Variants in ATP8A1 observed in about 807,000 individuals in gnomAD.
ATP8A1 encodes phospholipid-transporting ATPase IA.
Under a neutral mutation model 177.7 loss-of-function variants are expected in ATP8A1, and 90 were observed. That is an observed-to-expected ratio of 0.51 (90% CI 0.43 to 0.60). The LOEUF is 0.60. Among genes scored for constraint, ATP8A1 ranks in the 20% least tolerant of loss-of-function variants. The pLI, the probability that ATP8A1 is intolerant of heterozygous loss-of-function variation, is 0.00. For missense variants in ATP8A1, 1,072 were observed against 1,392.8 expected (o/e 0.77, Z 3.67); for synonymous variants, 493 against 485.9 (o/e 1.01, Z -0.19).
rs560817537 is a variant in ATP8A1 at position 42,523,211 on chromosome 4, G to A, written c.1808-912C>T. ...CCTGTGTCTGGTGCCTGCCAATTTC[G>A]TAACTCACATCTCTCTCAGCCAGAA... On this transcript the variant is annotated intron_variant, in intron 21 of 36. Coordinates refer to ENST00000381668, the MANE Select transcript of ATP8A1 (RefSeq NM_006095.2). Among the ~76,000 whole-genome samples the A allele has an allele frequency of 3.2e-4, 49 of 152,268 alleles. No homozygotes were observed. In the South Asian group the frequency reaches 5.0e-3, roughly 15 times the overall value.
intron 15 of ATP8A1, 95 bp from the exon 16 acceptor site, chr4:42,556,135 CA>C (rs1730213942): frequency 1.4e-6 from 1 of 730,846 alleles, no homozygotes; most frequent in East Asian, 3.0e-5. Context: ...GTTATGTCTC[CA>C]AACCCTCAAT....
intron 20 of ATP8A1, among the ~76,000 whole-genome samples, chr4:42,534,124 C>T (rs1727543626): frequency 6.6e-6 from 1 of 152,034 alleles, no homozygotes; most frequent in African/African-American, 2.4e-5. Flanking sequence ...TTCTTTAATA[C>T]CCCAAAAGAT....
chr4:42,459,554 A>C, intron 27 of ATP8A1: 1 of 329,448 alleles, frequency 3.0e-6, no homozygotes, highest in South Asian at 2.6e-5. Flanking sequence ...AGAACATATA[A>C]ATAGAAAAGC....
intron 23 of ATP8A1, among the ~76,000 whole-genome samples, chr4:42,504,852 T>C (rs1724210107): frequency 6.6e-6 from 1 of 152,268 alleles, no homozygotes; most frequent in Admixed American, 6.5e-5. Flanking sequence ...CCCTGGACAC[T>C]GCTATGCTGA....
intron 1 of ATP8A1, among the ~76,000 whole-genome samples, chr4:42,642,130 T>C (rs1163008496): frequency 6.6e-6 from 1 of 152,216 alleles, no homozygotes; most frequent in Non-Finnish European, 1.5e-5. Context: ...ACAAGTGTTT[T>C]ATCCTACAGA....
intron 3 of ATP8A1, among the ~76,000 whole-genome samples, chr4:42,624,933 T>C (rs1487060838): frequency 1.3e-5 from 2 of 150,918 alleles, no homozygotes; most frequent in African/African-American, 2.4e-5. Context: ...AGAAACACAA[T>C]GAATAACTGG....
intron 6 of ATP8A1, chr4:42,594,463 T>A (rs141215772): frequency 5.8e-6 from 4 of 687,186 alleles, no homozygotes; most frequent in Non-Finnish European, 1.0e-5. Flanking sequence ...AAAATGGTTA[T>A]CGGCAAACAA....
At position 42,511,023 on chromosome 4, in the gene ATP8A1, G is replaced by T. The variant is rs549872764; in HGVS notation, c.1948-3869C>A. 1.8e-3 allele frequency among the ~76,000 whole-genome samples: 279 copies of T among 152,270 alleles called. 3 individuals are homozygous for T. Among genetic ancestry groups the T allele is most frequent in the African/African-American group, 6.6e-3 (273 of 41,562 alleles). ...ACATTTCGGAATATTCAGCAAAATT[G>T]TAATGGGTCTACTTTGATGCCTATG... is the stretch of plus-strand genomic sequence containing the variant. On this transcript the variant is annotated intron_variant, in intron 22 of 36. Transcript: ENST00000381668.
At chr4:42,577,446 T>C (rs1265407531) in intron 12 of ATP8A1, among the ~76,000 whole-genome samples, 2 of 152,162 alleles carry the variant, frequency 1.3e-5, no homozygotes, top group African/African-American at 2.4e-5. Flanking sequence ...TACAAAAGTA[T>C]GTCATATTTT....
rs1560320680 is a variant in ATP8A1, at chr4:42,435,462, AACAAACTATCTCCAGTT to A, written c.3123+8086_3123+8102del. Among the ~76,000 whole-genome samples, 3 of 92,662 alleles carry A rather than the reference AACAAACTATCTCCAGTT, an allele frequency of 3.2e-5. No individual in the cohort carries two copies. In the East Asian group the frequency reaches 7.5e-4, roughly 23 times the overall value. 60.8% of individuals were successfully genotyped at this position (92,662 alleles called of 152,430 possible). On this transcript the variant is annotated intron_variant, in intron 33 of 36. Coordinates refer to ENST00000381668, the MANE Select transcript of ATP8A1 (RefSeq NM_006095.2). Reference sequence around the variant, plus strand: ...AAAAAAAAAAAAACAAAAAAAAAAAAACAAACTATCTCCAGTTATGAGCTTTATTGAAACAGATGGCA... The same window carrying A: ...AAAAAAAAAAAAACAAAAAAAAAAAAATGAGCTTTATTGAAACAGATGGCA...
intron 5 of ATP8A1, among the ~76,000 whole-genome samples, chr4:42,600,841 G>A (rs2109398769): frequency 6.6e-6 from 1 of 152,140 alleles, no homozygotes; most frequent in Middle Eastern, 3.4e-3. Context: ...GAAGCGACAA[G>A]CTTAAAAACA....
At chr4:42,617,105 TAC>T (rs1024062312) in intron 4 of ATP8A1, among the ~76,000 whole-genome samples, 1 of 152,094 alleles carries the variant, frequency 6.6e-6, no homozygotes, top group African/African-American at 2.4e-5. Flanking sequence ...TGAGAAAAAA[TAC>T]AGTTTTCAGA....
At chr4:42,631,696 C>T (rs1165871369) in intron 1 of ATP8A1, among the ~76,000 whole-genome samples, 3 of 152,204 alleles carry the variant, frequency 2.0e-5, no homozygotes, top group Non-Finnish European at 4.4e-5. Context: ...TGACTTACCC[C>T]TTCCTTGACC....
chr4:42,558,629 T>C (rs1274422554), intron 15 of ATP8A1, among the ~76,000 whole-genome samples: 1 of 152,224 alleles, frequency 6.6e-6, no homozygotes, highest in Non-Finnish European at 1.5e-5. Flanking sequence ...AAGACTTTTT[T>C]TTAAATTCAA....
intron 22 of ATP8A1, among the ~76,000 whole-genome samples, chr4:42,514,366 G>A (rs534081736): frequency 1.3e-5 from 2 of 152,302 alleles, no homozygotes; most frequent in Non-Finnish European, 2.9e-5. Flanking sequence ...CTACCACGAA[G>A]CATTCATAAG....
rs866579232 is a variant in ATP8A1, at chr4:42,643,170, C to T, written c.49+13655G>A. ...CCAAACAGAATAAATCCATACAGTT[C>T]CCAGATACCTAAAATTCATAGCAAT... On this transcript the variant is annotated intron_variant, in intron 1 of 36. Coordinates refer to ENST00000381668, the MANE Select transcript of ATP8A1 (RefSeq NM_006095.2). 1.3e-3 allele frequency among the ~76,000 whole-genome samples: 201 copies of T among 152,216 alleles called. 1 individual carries two copies. Among genetic ancestry groups the T allele is most frequent in the African/African-American group, 4.4e-3 (182 of 41,542 alleles).
chr4:42,656,904 C>T lies in ATP8A1; in HGVS notation c.-31G>A. The T allele has an allele frequency of 3.2e-6, 5 of 1,557,292 alleles. No individual in the cohort carries two copies. Among genetic ancestry groups the T allele is most frequent in the Non-Finnish European group, 4.3e-6 (5 of 1,150,472 alleles). ...CGGCGGCTGCAGGTGGGTCCTCAGC[C>T]CGGACTCTGCACCTGTCACGGCGTG... On this transcript the variant is annotated 5_prime_UTR_variant, in exon 1 of 37. Transcript: ENST00000381668.
At chr4:42,536,207 G>C (rs1727813417) in intron 20 of ATP8A1, among the ~76,000 whole-genome samples, 1 of 152,130 alleles carries the variant, frequency 6.6e-6, no homozygotes. Flanking sequence ...GACCATTAGT[G>C]AGATTAACCA....
chr4:42,420,066 C>A (rs2153167023), intron 35 of ATP8A1, among the ~76,000 whole-genome samples: 1 of 152,174 alleles, frequency 6.6e-6, no homozygotes, highest in South Asian at 2.1e-4. Context: ...AAATCAATGT[C>A]ATTCTCCAAG....
Sources: gnomAD v4.1 joint callset for allele counts (sites outside exome capture counted in the v4.1 genomes callset) on GRCh38, gnomAD v4.1.1 for gene constraint, MANE v1.5 for transcripts, NCBI Gene and HGNC (gene_info 2026-07-23, HGNC 2026-07-21) for gene names.